The following FNIP1 variants were observed in gnomAD, a reference collection of about 807,000 sequenced individuals.
The protein encoded by FNIP1 is folliculin interacting protein 1.
Under a neutral mutation model 124.5 loss-of-function variants are expected in FNIP1, and 40 were observed. The ratio of observed to expected loss-of-function variants is 0.32; its 90% CI spans 0.25 to 0.42. The LOEUF (loss-of-function observed/expected upper bound fraction) is 0.42, where lower values mean the gene tolerates loss of function less well. FNIP1 is among the 10% of genes least tolerant of loss of function. The pLI, the probability that FNIP1 is intolerant of heterozygous loss-of-function variation, is 1.00. For synonymous variants in FNIP1, 472 were observed against 470.6 expected (o/e 1.00, Z -0.04); for missense variants, 1,176 against 1,403.7 (o/e 0.84, Z 2.59).
At chr5:131,750,097 G>A (rs1486638332) in intron 1 of FNIP1, among the ~76,000 whole-genome samples, 1 of 152,170 alleles carries the variant, frequency 6.6e-6, no homozygotes, top group Non-Finnish European at 1.5e-5. Flanking sequence ...ATTTTCTCCA[G>A]TAGGACCTCA....
At chr5:131,770,452 G>A (rs1357319000) in intron 1 of FNIP1, among the ~76,000 whole-genome samples, 2 of 152,146 alleles carry the variant, frequency 1.3e-5, no homozygotes, top group Non-Finnish European at 2.9e-5. Context: ...GAAAAACCAA[G>A]GGGTGCATCT....
At chr5:131,691,763 C>T (rs553153784) in intron 11 of FNIP1, among the ~76,000 whole-genome samples, 1 of 152,212 alleles carries the variant, frequency 6.6e-6, no homozygotes, top group East Asian at 1.9e-4. Flanking sequence ...CCAAAACTCA[C>T]ATAAGGAGAA....
At chr5:131,763,412 G>A (rs1176912598) in intron 1 of FNIP1, among the ~76,000 whole-genome samples, 1 of 152,148 alleles carries the variant, frequency 6.6e-6, no homozygotes, top group East Asian at 1.9e-4. Context: ...ACCTGAGACT[G>A]TGTAATTAAA....
At chr5:131,710,400 A>T (rs1016540058) in intron 7 of FNIP1, among the ~76,000 whole-genome samples, 178 bp downstream of exon 7, 5 of 152,256 alleles carry the variant, frequency 3.3e-5, no homozygotes, top group Non-Finnish European at 5.9e-5. Flanking sequence ...CGGTGTCTGG[A>T]AACTTTAAGA....
chr5:131,746,704 A>G (rs1770694499), intron 1 of FNIP1, among the ~76,000 whole-genome samples: 1 of 152,116 alleles, frequency 6.6e-6, no homozygotes, highest in East Asian at 1.9e-4. Flanking sequence ...GGTTGATTCC[A>G]TGTCTTTGCT....
chr5:131,701,148 A>T (rs993095033), intron 10 of FNIP1, among the ~76,000 whole-genome samples: 1 of 152,032 alleles, frequency 6.6e-6, no homozygotes, highest in African/African-American at 2.4e-5. Flanking sequence ...CCTATTGTGA[A>T]CCGTGCATGC....
intron 10 of FNIP1, 79 bp from the exon 11 acceptor site, chr5:131,699,081 G>T: frequency 9.2e-7 from 1 of 1,086,006 alleles, no homozygotes; most frequent in Non-Finnish European, 1.3e-6. Context: ...TTTAGACAGA[G>T]TCACATATTT....
chr5:131,790,070 T>C (rs1772353659), intron 1 of FNIP1, among the ~76,000 whole-genome samples: 1 of 152,238 alleles, frequency 6.6e-6, no homozygotes, highest in South Asian at 2.1e-4. Context: ...CCTCTGCCCT[T>C]AAAATTGTTA....
intron 1 of FNIP1, among the ~76,000 whole-genome samples, chr5:131,791,935 A>C (rs1772418318): frequency 6.6e-6 from 1 of 152,158 alleles, no homozygotes; most frequent in African/African-American, 2.4e-5. Context: ...TAGAATGGGC[A>C]AAAGCCATCC....
chr5:131,733,146 A>G (rs1770158010), intron 2 of FNIP1, among the ~76,000 whole-genome samples: 1 of 152,138 alleles, frequency 6.6e-6, no homozygotes, highest in African/African-American at 2.4e-5. Flanking sequence ...TTATTGGTGT[A>G]TAAGAATGCT....
chr5:131,695,198 G>T (rs1051028440), intron 11 of FNIP1, among the ~76,000 whole-genome samples: 1 of 152,118 alleles, frequency 6.6e-6, no homozygotes, highest in Admixed American at 6.6e-5. Context: ...AGGGCTATAT[G>T]AAAAAACTGC....
chr5:131,688,907 T>G (rs1295277041), intron 11 of FNIP1, among the ~76,000 whole-genome samples: 1 of 151,394 alleles, frequency 6.6e-6, no homozygotes, highest in Non-Finnish European at 1.5e-5. Flanking sequence ...AAATACAAAA[T>G]GGAGAAGTAA....
intron 8 of FNIP1, among the ~76,000 whole-genome samples, chr5:131,707,883 A>C (rs1427306459): frequency 6.6e-6 from 1 of 152,196 alleles, no homozygotes; most frequent in Non-Finnish European, 1.5e-5. Flanking sequence ...GTATAAATAA[A>C]TTATACTTAA....
At chr5:131,738,696 G>A (rs954459736) in intron 2 of FNIP1, among the ~76,000 whole-genome samples, 1 of 151,904 alleles carries the variant, frequency 6.6e-6, no homozygotes, top group Admixed American at 6.6e-5. Flanking sequence ...AGTAGAGACG[G>A]GGTTTCACCA....
rs1171183709 is a variant in FNIP1 at position 131,679,080 on chromosome 5, T to C, written c.1298A>G (p.Tyr433Cys). 5 of 1,612,940 alleles carry C rather than the reference T, an allele frequency of 3.1e-6. No individual in the cohort carries two copies. Among genetic ancestry groups the C allele is most frequent in the Non-Finnish European group, 4.2e-6 (5 of 1,179,460 alleles). The change falls in exon 12 of 18, where the codon TAT becomes TGT. Residue 433 changes from tyrosine (Y) to cysteine (C), a missense_variant. Physicochemically the swap from Tyr to Cys is radical, Grantham distance 194. Around this residue, in one of 2 missense-constraint regions of FNIP1, gnomAD observed 1,109 missense variants for 1,288.5 expected, o/e 0.86. Coordinates refer to ENST00000510461, the MANE Select transcript of FNIP1 (RefSeq NM_133372.3). Reference sequence around the variant, plus strand: ...AAAGGTGAACTCCTTCATGAAACGATAGCAAAGGTGGTTCTTTTCTGGAGT... The same window carrying C: ...AAAGGTGAACTCCTTCATGAAACGACAGCAAAGGTGGTTCTTTTCTGGAGT... ...SGTPEKNHLC[Y>C]RFMKEFTFLM...
At chr5:131,690,091 C>T (rs533440335) in intron 11 of FNIP1, among the ~76,000 whole-genome samples, 4 of 152,014 alleles carry the variant, frequency 2.6e-5, no homozygotes, top group South Asian at 2.1e-4. Flanking sequence ...GGCATGGTGG[C>T]GGGTGCCTGG....
chr5:131,666,993 C>T (rs971275018), intron 15 of FNIP1, among the ~76,000 whole-genome samples: 2 of 152,126 alleles, frequency 1.3e-5, no homozygotes, highest in African/African-American at 4.8e-5. Context: ...AATTCCTTAA[C>T]CAAGTAATTC....
intron 1 of FNIP1, among the ~76,000 whole-genome samples, chr5:131,790,478 CAAAAAAAAAAA>C (rs56699008): frequency 1.4e-5 from 1 of 70,558 alleles, no homozygotes; most frequent in Non-Finnish European, 2.8e-5. Flanking sequence ...GAACCTGTCT[CAAAAAAAAAAA>C]AAAAAAAAAA....
chr5:131,727,676 T>C (rs55894225), intron 3 of FNIP1, among the ~76,000 whole-genome samples: 4,047 of 152,284 alleles, frequency 0.027, 190 homozygotes, highest in African/African-American at 0.092. Flanking sequence ...AGCCCATTTA[T>C]ATTTAAGGTT....
Sources: gnomAD v4.1 joint callset for allele counts (sites outside exome capture counted in the v4.1 genomes callset) on GRCh38, gnomAD v4.1.1 for gene constraint, gnomAD v4.1.1 regional missense constraint, MANE v1.5 for transcripts, NCBI Gene and HGNC (gene_info 2026-07-23, HGNC 2026-07-21) for gene names.